The following CHST12 variants were observed in gnomAD, a reference collection of about 807,000 sequenced individuals.
The protein encoded by CHST12 is carbohydrate sulfotransferase 12, also known as carbohydrate (chondroitin 4) sulfotransferase 12.
Under a neutral mutation model 27.9 loss-of-function variants are expected in CHST12, and 23 were observed. The ratio of observed to expected loss-of-function variants is 0.82; its 90% confidence interval spans 0.59 to 1.17. The LOEUF (loss-of-function observed/expected upper bound fraction) is 1.17. CHST12 is among the 50% of genes most tolerant of loss of function. The pLI, the probability that CHST12 is intolerant of heterozygous loss-of-function variation, is 0.00. For missense variants in CHST12, 682 were observed against 603.0 expected (o/e 1.13, Z -1.37); for synonymous variants, 322 against 273.0 (o/e 1.18, Z -1.77).
intron 1 of CHST12, among the ~76,000 whole-genome samples, chr7:2,429,757 T>C (rs937095175): frequency 2.6e-5 from 4 of 152,096 alleles, no homozygotes; most frequent in African/African-American, 9.7e-5. Flanking sequence ...GTAGGTTTTT[T>C]TCATTTGTTT....
At chr7:2,416,363 CA>C (rs1166470889) in intron 1 of CHST12, among the ~76,000 whole-genome samples, 2 of 152,222 alleles carry the variant, frequency 1.3e-5, no homozygotes, top group Non-Finnish European at 2.9e-5. Context: ...CCAACCTCTT[CA>C]AACTTCTATT....
chr7:2,417,241 T>C (rs1429372335), intron 1 of CHST12, among the ~76,000 whole-genome samples: 1 of 151,758 alleles, frequency 6.6e-6, no homozygotes, highest in Non-Finnish European at 1.5e-5. Flanking sequence ...TTTTTTTTTT[T>C]TGAGGCAGAG....
chr7:2,432,947 G>A lies in CHST12; in HGVS notation c.308G>A (p.Gly103Asp). ...APGSMEESVR[G>D]YDWSPRDARR... ...GGGAGCATGGAGGAGAGCGTGAGAG[G>A]CTACGACTGGTCCCCGCGCGACGCC... Residue 103 changes from glycine (G) to aspartate (D), a missense_variant, in exon 2 of 2, where the codon GGC (glycine) becomes GAC (aspartate). By Grantham distance (94) the Gly-to-Asp change is moderately conservative. Coordinates refer to ENST00000618655, the MANE Select transcript of CHST12 (RefSeq NM_018641.5). 6.2e-7 allele frequency: 1 copy of A among 1,611,232 alleles called. No homozygotes were observed. The highest frequency in any genetic ancestry group is 8.5e-7 in the Non-Finnish European group (1 of 1,178,706).
chr7:2,440,358 TGTGCAAGTGTGC>T lies in CHST12; in HGVS notation c.*6486_*6497del, dbSNP rs556021267. On this transcript the variant is annotated 3_prime_UTR_variant, in exon 2 of 2. Transcript: ENST00000618655. ...GTGTGTGTGCAGGTGTGCGAGTGCATGTGCAAGTGTGCGTGCAAGTGTGAGTCTGCACTTGTG... is the reference window on the plus strand; with the variant it reads ...GTGTGTGTGCAGGTGTGCGAGTGCATGTGCAAGTGTGAGTCTGCACTTGTG... The T allele has an allele frequency of 3.6e-3, 549 of 154,496 alleles. 6 individuals carry two copies. The highest frequency in any genetic ancestry group is 0.012 in the African/African-American group (511 of 41,618). The allele number at this position is 154,496 out of a possible 1,614,324, so 9.6% of individuals were successfully genotyped here. A position where few individuals can be genotyped will look rare whatever the true frequency, so the allele number is the denominator to read the frequency against.
chr7:2,430,517 C>T (rs147138909), intron 1 of CHST12, among the ~76,000 whole-genome samples: 2,214 of 152,244 alleles, frequency 0.015, 25 homozygotes, highest in Middle Eastern at 0.041. Context: ...GGGGTTTCAC[C>T]ATGTTGGCCA....
intron 1 of CHST12, among the ~76,000 whole-genome samples, chr7:2,409,658 G>A (rs376371506): frequency 2.3e-4 from 35 of 152,076 alleles, no homozygotes; most frequent in African/African-American, 7.0e-4. Flanking sequence ...GGAGAAGGGC[G>A]GAGGTGAGAA....
intron 1 of CHST12, among the ~76,000 whole-genome samples, chr7:2,419,605 G>A (rs1479833148): frequency 1.3e-5 from 2 of 151,612 alleles, no homozygotes; most frequent in Non-Finnish European, 1.5e-5. Context: ...TACTTAGGAG[G>A]CTGAGGCAGG....
chr7:2,421,117 G>C (rs1382915467), intron 1 of CHST12, among the ~76,000 whole-genome samples: 5 of 151,586 alleles, frequency 3.3e-5, no homozygotes, highest in Non-Finnish European at 7.4e-5. Context: ...GAGTGCAGTG[G>C]TGCCATCACA....
At chr7:2,405,028 C>A (rs1781487027) in intron 1 of CHST12, among the ~76,000 whole-genome samples, 1 of 152,066 alleles carries the variant, frequency 6.6e-6, no homozygotes, top group South Asian at 2.1e-4. Context: ...GTGGAGAGGA[C>A]CTATGAATTG....
At chr7:2,410,899 G>C (rs1018161024) in intron 1 of CHST12, among the ~76,000 whole-genome samples, 10 of 152,196 alleles carry the variant, frequency 6.6e-5, no homozygotes, top group African/African-American at 2.4e-4. Context: ...GTGGCTTTGG[G>C]GTTGAAAATG....
At position 2,436,312 on chromosome 7, in the gene CHST12, G is replaced by C. The variant is rs1035662591; in HGVS notation, c.*2428G>C. 1.3e-5 allele frequency: 2 copies of C among 152,198 alleles called. No homozygotes were observed. The highest frequency in any genetic ancestry group is 2.9e-5 in the Non-Finnish European group (2 of 68,048). The allele number at this position is 152,198 out of a possible 1,614,324, so 9.4% of individuals were successfully genotyped here. On this transcript the variant is annotated 3_prime_UTR_variant, in exon 2 of 2. Transcript: ENST00000618655. Reference sequence around the variant, plus strand: ...CGCTCCCCATTGGTAGAAGGCAGCAGCTTCCACTCTCTGATTTCTACTACC... The same window carrying C: ...CGCTCCCCATTGGTAGAAGGCAGCACCTTCCACTCTCTGATTTCTACTACC...
intron 1 of CHST12, among the ~76,000 whole-genome samples, chr7:2,430,970 C>G (rs1006140803): frequency 6.6e-6 from 1 of 152,208 alleles, no homozygotes; most frequent in Non-Finnish European, 1.5e-5. Context: ...ACTGTGTTCT[C>G]TTGTTAGGTG....
rs966670583 is a variant in CHST12 at position 2,437,923 on chromosome 7, G to C, written c.*4039G>C. On this transcript the variant is annotated 3_prime_UTR_variant, in exon 2 of 2. Coordinates refer to ENST00000618655, the MANE Select transcript of CHST12 (RefSeq NM_018641.5). ...CCCGCCCTGTCTCCTGCACTCAGGT[G>C]AGAGGCTGGCAGGGCTGCCGTAGGG... 1.3e-5 allele frequency: 2 copies of C among 152,380 alleles called. No homozygotes were observed. Among genetic ancestry groups the C allele is most frequent in the East Asian group, 3.9e-4 (2 of 5,178 alleles). The allele number at this position is 152,380 out of a possible 1,614,324, so 9.4% of individuals were successfully genotyped here.
At chr7:2,412,317 C>T (rs1781688292) in intron 1 of CHST12, among the ~76,000 whole-genome samples, 1 of 152,134 alleles carries the variant, frequency 6.6e-6, no homozygotes, top group Admixed American at 6.5e-5. Flanking sequence ...TGTGTAAGTT[C>T]CAGGCAGCCC....
intron 1 of CHST12, among the ~76,000 whole-genome samples, chr7:2,424,576 G>A (rs1340269997): frequency 2.0e-5 from 3 of 152,070 alleles, no homozygotes; most frequent in African/African-American, 4.8e-5. Flanking sequence ...GAAGACTCCC[G>A]GGCAATCCGC....
At chr7:2,431,027 G>A (rs1257346054) in intron 1 of CHST12, among the ~76,000 whole-genome samples, 2 of 152,216 alleles carry the variant, frequency 1.3e-5, no homozygotes, top group Non-Finnish European at 2.9e-5. Flanking sequence ...CTGGTGTTGA[G>A]TTCTTCTGTA....
intron 1 of CHST12, among the ~76,000 whole-genome samples, chr7:2,406,644 T>A (rs1470538903): frequency 1.3e-5 from 2 of 152,092 alleles, no homozygotes; most frequent in African/African-American, 4.8e-5. Context: ...GATGTGTCTT[T>A]GGGGAATCTG....
In CHST12 at chr7:2,425,130, G is replaced by A. The variant is rs922952720; in HGVS notation, c.-77-7433G>A. Among the ~76,000 whole-genome samples the A allele has an allele frequency of 7.0e-4, 105 of 150,870 alleles. 1 individual carries two copies. Among genetic ancestry groups the A allele is most frequent in the African/African-American group, 1.9e-3 (79 of 41,002 alleles). On this transcript the variant is annotated intron_variant, in intron 1 of 1. Transcript: ENST00000618655. ...CTGAGGCAGAAAATCGCATGAACCC[G>A]GGAGGCAGAGATTGCAGTGAGCCGA...
At chr7:2,423,074 G>A (rs995986494) in intron 1 of CHST12, among the ~76,000 whole-genome samples, 3 of 151,838 alleles carry the variant, frequency 2.0e-5, no homozygotes, top group Admixed American at 1.3e-4. Flanking sequence ...CCAGGAGTTA[G>A]AGACCAGCCT....
Sources: gnomAD v4.1 joint callset for allele counts (sites outside exome capture counted in the v4.1 genomes callset) on GRCh38, gnomAD v4.1.1 for gene constraint, MANE v1.5 for transcripts, NCBI Gene and HGNC (gene_info 2026-07-23, HGNC 2026-07-21) for gene names.